CABLES1: variants seen among roughly 807,000 people sequenced by gnomAD.
CABLES1 encodes Cdk5 and Abl enzyme substrate 1, also known as CDK5 and ABL1 enzyme substrate 1.
In CABLES1, 36 loss-of-function variants were observed where a neutral mutation model predicts 57.8. That is an observed-to-expected ratio of 0.62 (90% CI 0.48 to 0.82). The LOEUF (loss-of-function observed/expected upper bound fraction) is 0.82, where lower values mean the gene tolerates loss of function less well. Among genes scored for constraint, CABLES1 ranks in the 40% least tolerant of loss-of-function variants. The pLI is 0.00. For missense variants in CABLES1, 767 were observed against 836.6 expected (o/e 0.92, Z 1.03); for synonymous variants, 374 against 363.0 (o/e 1.03, Z -0.35).
At chr18:23,245,278 T>G (rs879302973) in intron 7 of CABLES1, among the ~76,000 whole-genome samples, 1 of 151,960 alleles carries the variant, frequency 6.6e-6, no homozygotes, top group Non-Finnish European at 1.5e-5. Flanking sequence ...GAGGCTGAGG[T>G]GGGCGGATCA....
intron 7 of CABLES1, among the ~76,000 whole-genome samples, chr18:23,237,977 C>T (rs2047645387): frequency 6.6e-6 from 1 of 152,206 alleles, no homozygotes; most frequent in African/African-American, 2.4e-5. Flanking sequence ...GCCAGGCCTG[C>T]CATGCACAGC....
At chr18:23,146,069 GC>G (rs2046889942) in intron 1 of CABLES1, among the ~76,000 whole-genome samples, 1 of 152,198 alleles carries the variant, frequency 6.6e-6, no homozygotes, top group Non-Finnish European at 1.5e-5. Context: ...ATTCAAAAAT[GC>G]CAAAAATGTT....
At position 23,136,525 on chromosome 18, in the gene CABLES1, C is replaced by T; in HGVS notation, c.763C>T (p.Pro255Ser). The T allele has an allele frequency of 6.3e-7, 1 of 1,589,124 alleles. No homozygotes were observed. Residue 255 changes from proline to serine, a missense_variant, in exon 1 of 10, where the codon CCG becomes TCG. Around this residue, in one of 4 missense-constraint regions of CABLES1, gnomAD observed 529 missense variants for 622.8 expected, o/e 0.85. Transcript: ENST00000256925. ...QGILPIAFSR[P>S]TSQNYCSLEQ... is the part of the protein sequence containing the mutation. ...AATCCTGCCCATCGCCTTCTCCAGG[C>T]CGACTTCGCAGAACTACTGCTCCCT...
chr18:23,178,963 T>G (rs1381866586), intron 1 of CABLES1, among the ~76,000 whole-genome samples: 1 of 152,216 alleles, frequency 6.6e-6, no homozygotes, highest in Non-Finnish European at 1.5e-5. Context: ...ATTCATCAGC[T>G]GGAGACTTTA....
At chr18:23,176,239 T>C (rs1188371655) in intron 1 of CABLES1, among the ~76,000 whole-genome samples, 3 of 152,124 alleles carry the variant, frequency 2.0e-5, no homozygotes, top group African/African-American at 7.2e-5. Flanking sequence ...GGTGGGGGGA[T>C]GGCTTCGGGA....
intron 4 of CABLES1, among the ~76,000 whole-genome samples, chr18:23,230,264 C>T (rs1265557253): frequency 1.3e-5 from 2 of 152,054 alleles, no homozygotes; most frequent in African/African-American, 2.4e-5. Context: ...CCCAGCTACT[C>T]GGGAGGCTGA....
At chr18:23,150,050 C>T (rs1310985695) in intron 1 of CABLES1, 3 of 152,270 alleles carry the variant, frequency 2.0e-5, no homozygotes, top group African/African-American at 4.8e-5. Flanking sequence ...CCGACACGGC[C>T]ATGCTCTGTC....
intron 8 of CABLES1, among the ~76,000 whole-genome samples, chr18:23,253,528 A>G (rs983146709): frequency 1.4e-4 from 21 of 152,198 alleles, no homozygotes; most frequent in Admixed American, 5.9e-4. Context: ...GACCTGACCA[A>G]CAGAGAAGAG....
At chr18:23,186,860 A>T (rs920219505) in intron 1 of CABLES1, among the ~76,000 whole-genome samples, 1 of 152,158 alleles carries the variant, frequency 6.6e-6, no homozygotes, top group African/African-American at 2.4e-5. Flanking sequence ...TGCTGCTGAG[A>T]TCTGCAATGG....
chr18:23,201,932 G>T (rs1409828059), intron 3 of CABLES1, among the ~76,000 whole-genome samples: 2 of 152,230 alleles, frequency 1.3e-5, no homozygotes, highest in Non-Finnish European at 2.9e-5. Context: ...GGCTATCCCA[G>T]TGGGGAAGCG....
intron 7 of CABLES1, 25 bp downstream of exon 7, chr18:23,237,270 C>T (rs753660686): frequency 2.7e-6 from 4 of 1,484,174 alleles, no homozygotes; most frequent in Non-Finnish European, 3.8e-6. Flanking sequence ...ATGGAGGCTC[C>T]GTTTGCTGCA....
chr18:23,213,908 G>A (rs2047422475), intron 3 of CABLES1, 69 bp from the exon 4 acceptor site: 2 of 1,039,398 alleles, frequency 1.9e-6, no homozygotes, highest in Admixed American at 4.0e-5. Flanking sequence ...AATTGCTATA[G>A]ATTTTGTTTT....
chr18:23,208,432 C>T (rs759332658), intron 3 of CABLES1, among the ~76,000 whole-genome samples: 23 of 152,238 alleles, frequency 1.5e-4, no homozygotes, highest in African/African-American at 2.6e-4. Context: ...TCAGAAGAGA[C>T]GGAAAGGGGT....
chr18:23,248,471 G>A (rs995090555), intron 7 of CABLES1, among the ~76,000 whole-genome samples: 2 of 147,970 alleles, frequency 1.4e-5, no homozygotes, highest in African/African-American at 5.0e-5. Flanking sequence ...ACTTGGCCCA[G>A]GATTTAGCGT....
chr18:23,213,424 G>C (rs1408372490), intron 3 of CABLES1, among the ~76,000 whole-genome samples: 1 of 152,064 alleles, frequency 6.6e-6, no homozygotes, highest in Non-Finnish European at 1.5e-5. Context: ...GCTGTTTCCA[G>C]TAGTATCTTT....
chr18:23,202,656 G>C (rs1008053839), intron 3 of CABLES1, among the ~76,000 whole-genome samples: 1 of 152,202 alleles, frequency 6.6e-6, no homozygotes, highest in South Asian at 2.1e-4. Context: ...AAGGACTGAC[G>C]CATCAGAAGG....
rs1162853410 is a variant in CABLES1 at position 23,235,888 on chromosome 18, C to G, written c.1186-7C>G. The G allele has an allele frequency of 1.9e-6, 3 of 1,613,836 alleles. No individual in the cohort carries two copies. The highest frequency in any genetic ancestry group is 2.5e-6 in the Non-Finnish European group (3 of 1,179,890). On this transcript the variant is annotated splice_polypyrimidine_tract_variant and splice_region_variant and intron_variant, in intron 5 of 9. Coordinates refer to ENST00000256925, the MANE Select transcript of CABLES1 (RefSeq NM_001100619.3). Reference sequence around the variant, plus strand: ...ATCACTGGCCTGTTTTTGTCTTCACCTTTTAGACTGTTTCCTATACCCAAT... The same window carrying G: ...ATCACTGGCCTGTTTTTGTCTTCACGTTTTAGACTGTTTCCTATACCCAAT...
chr18:23,150,054 C>G lies in CABLES1; in HGVS notation c.845+13447C>G, dbSNP rs1466126202. 8 of 152,294 alleles carry G rather than the reference C, an allele frequency of 5.3e-5. No homozygotes were observed. The East Asian group carries it at 1.5e-3, about 29-fold the overall frequency. The allele number at this position is 152,294 out of a possible 1,614,324, so 9.4% of individuals were successfully genotyped here. A position where few individuals can be genotyped will look rare whatever the true frequency, so the allele number is the denominator to read the frequency against. On this transcript the variant is annotated intron_variant, in intron 1 of 9. Coordinates refer to ENST00000256925, the MANE Select transcript of CABLES1 (RefSeq NM_001100619.3). Reference sequence around the variant, plus strand: ...CCTTTTCTGTCCCGACACGGCCATGCTCTGTCTCTGGTGAACTTCTAGGCT... The same window carrying G: ...CCTTTTCTGTCCCGACACGGCCATGGTCTGTCTCTGGTGAACTTCTAGGCT...
At chr18:23,234,503 G>A in intron 4 of CABLES1, 105 bp from the exon 5 acceptor site, 1 of 847,584 alleles carries the variant, frequency 1.2e-6, no homozygotes, top group Non-Finnish European at 2.0e-6. Context: ...GGCTCACCTG[G>A]TCATTTTCAT....
Sources: gnomAD v4.1 joint callset for allele counts (sites outside exome capture counted in the v4.1 genomes callset) on GRCh38, gnomAD v4.1.1 for gene constraint, gnomAD v4.1.1 regional missense constraint, MANE v1.5 for transcripts, NCBI Gene and HGNC (gene_info 2026-07-23, HGNC 2026-07-21) for gene names.